The following EPSTI1 variants were observed in gnomAD, a reference collection of about 807,000 sequenced individuals.
EPSTI1 encodes epithelial-stromal interaction protein 1.
A neutral mutation model predicts 49.9 loss-of-function variants in EPSTI1; 66 were observed. The observed-to-expected ratio is 1.32, with a 90% confidence interval of 1.08 to 1.62. EPSTI1 has a LOEUF of 1.62. Among genes scored for constraint, EPSTI1 ranks in the 40% most tolerant of loss-of-function variants. EPSTI1 has a pLI of 0.00. For synonymous variants in EPSTI1, 137 were observed against 130.7 expected, an observed-to-expected ratio of 1.05 and a Z score of -0.33; for missense variants, 394 against 365.5, an observed-to-expected ratio of 1.08 and a Z score of -0.64.
At chr13:42,906,449 G>A (rs2037501390) in intron 8 of EPSTI1, among the ~76,000 whole-genome samples, 1 of 152,204 alleles carries the variant, frequency 6.6e-6, no homozygotes, top group Non-Finnish European at 1.5e-5. Context: ...ACTGCTTTAT[G>A]TAAACATGAA....
In EPSTI1 at chr13:42,894,956, T is replaced by C. The variant is rs540010764; in HGVS notation, c.915+53A>G. The C allele has an allele frequency of 4.8e-6, 7 of 1,468,128 alleles. No individual in the cohort carries two copies. In the African/African-American group the frequency reaches 8.5e-5, roughly 18 times the overall value. The allele number at this position is 1,468,128 out of a possible 1,614,324, so 90.9% of individuals were successfully genotyped here. A position where few individuals can be genotyped will look rare whatever the true frequency, so the allele number is the denominator to read the frequency against. ...CAAAACATATATTAAAAATTCTCAT[T>C]GTTTTTATTCTTCAACATTGAAAGA... On this transcript the variant is annotated intron_variant, in intron 10 of 10. Transcript: ENST00000313624.
intron 9 of EPSTI1, 128 bp from the exon 10 acceptor site, chr13:42,895,236 A>G (rs1782161871): frequency 1.5e-6 from 1 of 667,184 alleles, no homozygotes; most frequent in Non-Finnish European, 2.5e-6. Flanking sequence ...GAAGAAATCC[A>G]CAGAAACTTC....
chr13:42,991,801 G>A (rs987631762), intron 1 of EPSTI1, among the ~76,000 whole-genome samples, 177 bp downstream of exon 1: 1 of 152,220 alleles, frequency 6.6e-6, no homozygotes, highest in Non-Finnish European at 1.5e-5. Flanking sequence ...CAAACTAGCC[G>A]ACTCAATTTA....
intron 1 of EPSTI1, among the ~76,000 whole-genome samples, chr13:42,972,183 T>C (rs556333913): frequency 6.6e-6 from 1 of 152,318 alleles, no homozygotes; most frequent in South Asian, 2.1e-4. Flanking sequence ...CAATGTCTGC[T>C]AACATTGTGG....
At chr13:42,945,568 G>T (rs1271755375) in intron 6 of EPSTI1, among the ~76,000 whole-genome samples, 1 of 152,228 alleles carries the variant, frequency 6.6e-6, no homozygotes, top group Non-Finnish European at 1.5e-5. Context: ...TTGACCAGTA[G>T]AGTGACATGA....
chr13:42,896,306 C>A (rs2037187481), intron 9 of EPSTI1, among the ~76,000 whole-genome samples: 1 of 152,188 alleles, frequency 6.6e-6, no homozygotes, highest in Admixed American at 6.5e-5. Context: ...CTGAATCTCT[C>A]AGCATGCAGA....
chr13:42,969,952 T>C (rs2039726140), intron 2 of EPSTI1: 1 of 152,290 alleles, frequency 6.6e-6, no homozygotes, highest in South Asian at 2.1e-4. Context: ...CTGCTGGCAG[T>C]TCCCATAGTC....
intron 8 of EPSTI1, among the ~76,000 whole-genome samples, chr13:42,905,176 C>T (rs903669565): frequency 2.0e-5 from 3 of 151,830 alleles, no homozygotes; most frequent in Admixed American, 6.6e-5. Context: ...GAAGAAAAGA[C>T]GGGAAGAGAG....
chr13:42,888,754 G>A (rs1386966148), intron 10 of EPSTI1, among the ~76,000 whole-genome samples: 1 of 152,164 alleles, frequency 6.6e-6, no homozygotes, highest in Non-Finnish European at 1.5e-5. Flanking sequence ...TGTTCTTAGA[G>A]ATAGACTAAC....
chr13:42,929,083 A>C (rs1020268112), intron 6 of EPSTI1, among the ~76,000 whole-genome samples: 3 of 152,236 alleles, frequency 2.0e-5, no homozygotes, highest in Non-Finnish European at 2.9e-5. Context: ...ATGTAGTAAA[A>C]TTAGAAACAC....
intron 3 of EPSTI1, among the ~76,000 whole-genome samples, chr13:42,968,188 G>C (rs964008129): frequency 6.6e-6 from 1 of 152,120 alleles, no homozygotes; most frequent in Admixed American, 6.5e-5. Flanking sequence ...TGTACCCTTC[G>C]AGTCTGGCTC....
intron 1 of EPSTI1, among the ~76,000 whole-genome samples, chr13:42,981,963 T>C (rs2039994277): frequency 6.6e-6 from 1 of 152,228 alleles, no homozygotes; most frequent in African/African-American, 2.4e-5. Flanking sequence ...CACTGTAAGT[T>C]ACTATGTTGT....
chr13:42,963,712 AT>A (rs1395386753), intron 4 of EPSTI1: 4 of 296,076 alleles, frequency 1.4e-5, no homozygotes, highest in Non-Finnish European at 1.8e-5. Context: ...AATCTTAAAT[AT>A]TTTTTGTACT....
At chr13:42,923,706 T>C (rs757513935) in intron 7 of EPSTI1, among the ~76,000 whole-genome samples, 6 of 152,230 alleles carry the variant, frequency 3.9e-5, no homozygotes, top group Non-Finnish European at 7.3e-5. Context: ...CAGAGAACTA[T>C]ATTAATCCAC....
intron 7 of EPSTI1, among the ~76,000 whole-genome samples, chr13:42,920,430 G>A (rs1472906501): frequency 6.6e-6 from 1 of 152,176 alleles, no homozygotes; most frequent in Non-Finnish European, 1.5e-5. Context: ...GAGGAAAAGA[G>A]CAAACCTGAA....
intron 6 of EPSTI1, among the ~76,000 whole-genome samples, chr13:42,932,215 G>A (rs1310681070): frequency 3.3e-5 from 5 of 152,106 alleles, no homozygotes; most frequent in African/African-American, 9.7e-5. Context: ...TTACAGGCAC[G>A]AGCCACTGTG....
chr13:42,897,334 T>C (rs1043047933), intron 9 of EPSTI1, among the ~76,000 whole-genome samples: 1 of 152,200 alleles, frequency 6.6e-6, no homozygotes, highest in African/African-American at 2.4e-5. Context: ...TGTGATATTG[T>C]CCTCACAGTA....
chr13:42,892,654 CTG>C (rs2037071455), intron 10 of EPSTI1, among the ~76,000 whole-genome samples: 1 of 152,010 alleles, frequency 6.6e-6, no homozygotes, highest in Non-Finnish European at 1.5e-5. Context: ...GTACACAAGT[CTG>C]GAGTTTGGAG....
At chr13:42,987,944 C>T (rs2040114850) in intron 1 of EPSTI1, among the ~76,000 whole-genome samples, 1 of 152,086 alleles carries the variant, frequency 6.6e-6, no homozygotes, top group African/African-American at 2.4e-5. Context: ...CTCTACAATA[C>T]TAATACGAAG....
Sources: gnomAD v4.1 joint callset for allele counts (sites outside exome capture counted in the v4.1 genomes callset) on GRCh38, gnomAD v4.1.1 for gene constraint, MANE v1.5 for transcripts, NCBI Gene and HGNC (gene_info 2026-07-23, HGNC 2026-07-21) for gene names.